The following NRXN3 variants were observed in gnomAD, a reference collection of about 807,000 sequenced individuals.
NRXN3 encodes the protein neurexin 3.
In NRXN3, 32 loss-of-function variants were observed where a neutral mutation model predicts 137.6. That is an observed-to-expected ratio of 0.23 (90% CI 0.18 to 0.31). NRXN3 has a LOEUF of 0.31. Ranked by LOEUF, NRXN3 falls within the 10% of genes least tolerant of loss-of-function variation. The probability of loss-of-function intolerance (pLI) is 1.00; values close to 1 mark genes in which losing one functional copy is unlikely to be tolerated. For synonymous variants in NRXN3, 798 were observed against 784.5 expected (o/e 1.02, Z -0.29); for missense variants, 1,574 against 2,062.5 (o/e 0.76, Z 4.59).
Position 78,278,681 on chromosome 14 carries a change from A to T in NRXN3, c.727+19A>T, listed in dbSNP as rs1293170332. 2.0e-6 allele frequency: 3 copies of T among 1,533,710 alleles called. No homozygotes were observed. The East Asian group carries it at 7.3e-5, about 37-fold the overall frequency. Reference sequence around the variant, plus strand: ...GATCCAGGTGAGTCTTTGTGTTTGCACAGCTGCTGTGGGAATTTCCCCTCT... The same window carrying T: ...GATCCAGGTGAGTCTTTGTGTTTGCTCAGCTGCTGTGGGAATTTCCCCTCT... On this transcript the variant is annotated intron_variant, in intron 3 of 20. Transcript: ENST00000335750.
At chr14:79,086,085 T>G (rs181754240) in intron 15 of NRXN3, among the ~76,000 whole-genome samples, 173 of 152,316 alleles carry the variant, frequency 1.1e-3, no homozygotes, top group African/African-American at 4.0e-3. Flanking sequence ...ACCAGTCTCA[T>G]GATTCTAATA....
At chr14:79,355,043 A>G (rs1453023326) in intron 15 of NRXN3, among the ~76,000 whole-genome samples, 2 of 152,194 alleles carry the variant, frequency 1.3e-5, no homozygotes, top group East Asian at 1.9e-4. Context: ...TTTTTTAACA[A>G]TGTTGCTTAA....
At chr14:79,117,058 AT>A (rs2054569462) in intron 15 of NRXN3, among the ~76,000 whole-genome samples, 1 of 152,330 alleles carries the variant, frequency 6.6e-6, no homozygotes, top group East Asian at 1.9e-4. Context: ...CAGTAAAAAA[AT>A]ATTCTGTTTG....
intron 16 of NRXN3, among the ~76,000 whole-genome samples, chr14:79,567,195 T>A (rs561518590): frequency 6.6e-6 from 1 of 152,200 alleles, no homozygotes; most frequent in East Asian, 1.9e-4. Flanking sequence ...GACCCTTGAA[T>A]GACATAATTA....
chr14:78,840,186 T>A (rs145537198), intron 10 of NRXN3, among the ~76,000 whole-genome samples: 4 of 152,322 alleles, frequency 2.6e-5, no homozygotes, highest in African/African-American at 9.6e-5. Flanking sequence ...ATCATGAAGA[T>A]GGTTTTATGA....
At chr14:79,227,808 C>CCCTTCCTT (rs765100544) in intron 15 of NRXN3, among the ~76,000 whole-genome samples, 2 of 79,158 alleles carry the variant, frequency 2.5e-5, no homozygotes, top group African/African-American at 4.4e-5. Flanking sequence ...CTCCCTTCCT[C>CCCTTCCTT]CCTCCCTTCC....
intron 10 of NRXN3, among the ~76,000 whole-genome samples, chr14:78,894,232 C>A (rs1457355389): frequency 1.3e-5 from 2 of 151,924 alleles, no homozygotes; most frequent in African/African-American, 4.8e-5. Context: ...CACAGTAGAA[C>A]TTCTTTCAAA....
At chr14:79,693,174 T>TTTGTTG (rs902807182) in intron 18 of NRXN3, among the ~76,000 whole-genome samples, 1 of 151,916 alleles carries the variant, frequency 6.6e-6, no homozygotes, top group African/African-American at 2.4e-5. Flanking sequence ...ATACGTATTC[T>TTTGTTG]TTGTTGTTGT....
intron 4 of NRXN3, among the ~76,000 whole-genome samples, chr14:78,561,697 A>G (rs1322322686): frequency 1.3e-5 from 2 of 152,198 alleles, no homozygotes. Context: ...AACATACTCC[A>G]ATTTGTCATC....
chr14:78,852,003 C>CTTCAAATTAAATTATTTTTTCAACTG (rs2099044010), intron 10 of NRXN3, among the ~76,000 whole-genome samples: 1 of 151,964 alleles, frequency 6.6e-6, no homozygotes, highest in Non-Finnish European at 1.5e-5. Flanking sequence ...TATTCAGTTC[C>CTTCAAATTAAATTATTTTTTCAACTG]TTCAAATTAA....
chr14:78,751,270 C>A (rs1406318771), intron 8 of NRXN3, among the ~76,000 whole-genome samples: 2 of 152,110 alleles, frequency 1.3e-5, no homozygotes, highest in Non-Finnish European at 2.9e-5. Context: ...ATTCAGCTAC[C>A]CTCATAGCAT....
At chr14:78,375,603 G>A (rs1434183645) in intron 4 of NRXN3, among the ~76,000 whole-genome samples, 1 of 152,148 alleles carries the variant, frequency 6.6e-6, no homozygotes, top group Non-Finnish European at 1.5e-5. Context: ...TAAGGGATAG[G>A]CAATAAACAA....
At chr14:79,258,163 C>T (rs555858749) in intron 15 of NRXN3, among the ~76,000 whole-genome samples, 17 of 152,232 alleles carry the variant, frequency 1.1e-4, no homozygotes, top group South Asian at 4.1e-4. Flanking sequence ...GCATAAGGGT[C>T]ACAAAAATTG....
chr14:79,405,893 G>A (rs977333851), intron 15 of NRXN3, among the ~76,000 whole-genome samples: 1 of 152,202 alleles, frequency 6.6e-6, no homozygotes, highest in African/African-American at 2.4e-5. Context: ...CAGGGAAAAT[G>A]AGAAAACCAT....
intron 16 of NRXN3, among the ~76,000 whole-genome samples, chr14:79,507,227 G>C (rs1395975362): frequency 2.0e-5 from 3 of 152,164 alleles, no homozygotes; most frequent in Non-Finnish European, 4.4e-5. Context: ...GAATAGAACA[G>C]ACTTCAGTGA....
intron 15 of NRXN3, among the ~76,000 whole-genome samples, chr14:79,259,537 A>G (rs1400186366): frequency 1.3e-5 from 2 of 148,696 alleles, no homozygotes; most frequent in African/African-American, 4.9e-5. Context: ...ACATATATAT[A>G]GTTATCTATA....
chr14:78,989,735 TC>T (rs1318265838), intron 15 of NRXN3, among the ~76,000 whole-genome samples: 4 of 152,218 alleles, frequency 2.6e-5, no homozygotes, highest in Non-Finnish European at 4.4e-5. Flanking sequence ...GGCTTTTTTC[TC>T]TAAATGGTGG....
chr14:79,151,002 A>T (rs763089950), intron 15 of NRXN3, among the ~76,000 whole-genome samples: 5 of 152,096 alleles, frequency 3.3e-5, no homozygotes, highest in Non-Finnish European at 5.9e-5. Flanking sequence ...CCATGAAAAG[A>T]GAATGTATCC....
chr14:78,670,721 G>A lies in NRXN3; in HGVS notation c.1221+19395G>A, dbSNP rs116848108. On this transcript the variant is annotated intron_variant, in intron 6 of 20. Transcript: ENST00000335750. ...ACCAGGGCTAGGGCCTTATTTTTAGGTGGATATAACTGGGTATGAGAAGAC... is the reference window on the plus strand; with the variant it reads ...ACCAGGGCTAGGGCCTTATTTTTAGATGGATATAACTGGGTATGAGAAGAC... 4.1e-3 allele frequency among the ~76,000 whole-genome samples: 629 copies of A among 152,308 alleles called. 1 individual carries two copies. The highest frequency in any genetic ancestry group is 6.2e-3 in the Non-Finnish European group (422 of 68,018).
Sources: allele counts gnomAD v4.1 joint callset (sites outside exome capture counted in the v4.1 genomes callset), GRCh38; gene constraint gnomAD v4.1.1; transcripts MANE v1.5; gene names NCBI Gene and HGNC (gene_info 2026-07-23, HGNC 2026-07-21).